CCSER1: variants seen among roughly 807,000 people sequenced by gnomAD.
The protein encoded by CCSER1 is coiled-coil serine rich protein 1.
A neutral mutation model predicts 82.0 loss-of-function variants in CCSER1; 41 were observed. That is an observed-to-expected ratio of 0.50 (90% CI 0.39 to 0.65). The LOEUF (loss-of-function observed/expected upper bound fraction) is 0.65. CCSER1 is among the 30% of genes least tolerant of loss of function. CCSER1 has a pLI of 0.00. For synonymous variants in CCSER1, 414 were observed against 383.9 expected (o/e 1.08, Z -0.92); for missense variants, 1,119 against 1,064.2 (o/e 1.05, Z -0.72).
chr4:91,020,331 G>A (rs550420046), intron 9 of CCSER1, among the ~76,000 whole-genome samples: 7 of 152,056 alleles, frequency 4.6e-5, no homozygotes, highest in South Asian at 4.2e-4. Flanking sequence ...TCTAATTATC[G>A]ACATGTGACT....
rs78631697 is a variant in CCSER1, at chr4:91,278,219, T to C, written c.2217+192225T>C. On this transcript the variant is annotated intron_variant, in intron 10 of 10. Transcript: ENST00000509176. ...GGTCTAAAATGCAGTTTAAATCCAA[T>C]GTTTCTTTGTTGATTTTCTGTGTAG... Among the ~76,000 whole-genome samples the C allele has an allele frequency of 1.7e-3, 264 of 152,222 alleles. 1 individual carries two copies. Among genetic ancestry groups the C allele is most frequent in the African/African-American group, 6.2e-3 (258 of 41,560 alleles).
intron 5 of CCSER1, among the ~76,000 whole-genome samples, chr4:90,597,563 T>A (rs918134698): frequency 6.6e-6 from 1 of 152,062 alleles, no homozygotes; most frequent in Non-Finnish European, 1.5e-5. Context: ...CTGTGTATAT[T>A]TGAGGTTTAC....
intron 7 of CCSER1, chr4:90,780,575 A>C: frequency 6.6e-7 from 1 of 1,519,826 alleles, no homozygotes; most frequent in Non-Finnish European, 8.8e-7. Context: ...CTTTCCATCC[A>C]GTTCTCTAGT....
At chr4:91,472,685 T>G (rs1351853092) in intron 10 of CCSER1, among the ~76,000 whole-genome samples, 2 of 152,220 alleles carry the variant, frequency 1.3e-5, no homozygotes, top group Non-Finnish European at 2.9e-5. Flanking sequence ...TCTCTTCGAC[T>G]GGCTCTTTTG....
chr4:91,168,831 G>A (rs1037501577), intron 10 of CCSER1, among the ~76,000 whole-genome samples: 1 of 152,154 alleles, frequency 6.6e-6, no homozygotes, highest in Non-Finnish European at 1.5e-5. Flanking sequence ...GTAGACATAG[G>A]AGACTCCATT....
At chr4:90,624,402 GA>G (rs33968911) in intron 5 of CCSER1, among the ~76,000 whole-genome samples, 2 of 151,666 alleles carry the variant, frequency 1.3e-5, no homozygotes, top group South Asian at 2.1e-4. Flanking sequence ...AGCTAAGTGA[GA>G]AAAAAAATCA....
At chr4:90,583,176 T>C (rs2148648479) in intron 5 of CCSER1, among the ~76,000 whole-genome samples, 1 of 152,352 alleles carries the variant, frequency 6.6e-6, no homozygotes, top group Non-Finnish European at 1.5e-5. Flanking sequence ...GATATGTTTT[T>C]TGTTTTTTAA....
chr4:91,186,349 C>G (rs954227056), intron 10 of CCSER1, among the ~76,000 whole-genome samples: 1 of 152,042 alleles, frequency 6.6e-6, no homozygotes, highest in Admixed American at 6.5e-5. Context: ...TGGACCAGAC[C>G]CCACACTTGT....
At chr4:91,048,120 T>C (rs1742673993) in intron 9 of CCSER1, among the ~76,000 whole-genome samples, 1 of 152,034 alleles carries the variant, frequency 6.6e-6, no homozygotes, top group African/African-American at 2.4e-5. Context: ...TGTGTAGCTA[T>C]TTAAGAGGTT....
At chr4:91,029,732 T>C (rs918313214) in intron 9 of CCSER1, among the ~76,000 whole-genome samples, 1 of 152,092 alleles carries the variant, frequency 6.6e-6, no homozygotes, top group Admixed American at 6.6e-5. Flanking sequence ...TTCTGTAAAG[T>C]AAAAATAATA....
intron 10 of CCSER1, among the ~76,000 whole-genome samples, chr4:91,131,418 T>C (rs1246003905): frequency 6.6e-6 from 1 of 151,738 alleles, no homozygotes; most frequent in Non-Finnish European, 1.5e-5. Context: ...CCTGGTTGTA[T>C]CTGATAGTTT....
intron 9 of CCSER1, among the ~76,000 whole-genome samples, chr4:91,011,419 C>T (rs926135035): frequency 7.5e-6 from 1 of 134,154 alleles, no homozygotes; most frequent in Non-Finnish European, 1.7e-5. Context: ...TTCCAGAATG[C>T]AGGTGCTCAG....
intron 4 of CCSER1, among the ~76,000 whole-genome samples, chr4:90,439,504 T>A (rs1759547087): frequency 6.6e-6 from 1 of 152,228 alleles, no homozygotes; most frequent in African/African-American, 2.4e-5. Context: ...TACCCTAATC[T>A]TTGTTGATTG....
At chr4:91,594,079 A>C (rs1764403331) in intron 10 of CCSER1, among the ~76,000 whole-genome samples, 3 of 152,040 alleles carry the variant, frequency 2.0e-5, no homozygotes. Context: ...AGCTAGCTGC[A>C]TGACAACTAA....
chr4:90,633,257 A>G (rs1724776676), intron 6 of CCSER1, among the ~76,000 whole-genome samples: 1 of 152,118 alleles, frequency 6.6e-6, no homozygotes. Flanking sequence ...AACAAATGAT[A>G]AACTTGAGTG....
chr4:90,603,946 C>G (rs1041204800), intron 5 of CCSER1, among the ~76,000 whole-genome samples: 6 of 152,010 alleles, frequency 3.9e-5, no homozygotes, highest in Admixed American at 6.5e-5. Context: ...CCCCACGATA[C>G]CTTATTATAA....
At chr4:91,067,018 A>T (rs2148755036) in intron 9 of CCSER1, among the ~76,000 whole-genome samples, 1 of 152,248 alleles carries the variant, frequency 6.6e-6, no homozygotes, top group South Asian at 2.1e-4. Context: ...ACAAAAAATT[A>T]GCCGGGCATG....
At chr4:90,188,124 T>A (rs527376360) in intron 1 of CCSER1, among the ~76,000 whole-genome samples, 1 of 152,042 alleles carries the variant, frequency 6.6e-6, no homozygotes, top group South Asian at 2.1e-4. Flanking sequence ...ATTCTGTTAC[T>A]TATTCTTCCC....
chr4:90,226,520 T>G (rs1224212725), intron 1 of CCSER1, among the ~76,000 whole-genome samples: 2 of 152,196 alleles, frequency 1.3e-5, no homozygotes, highest in African/African-American at 4.8e-5. Context: ...ATAAGAAAAT[T>G]CATATCAACT....
Sources: allele counts gnomAD v4.1 joint callset (sites outside exome capture counted in the v4.1 genomes callset), GRCh38; gene constraint gnomAD v4.1.1; transcripts MANE v1.5; gene names NCBI Gene and HGNC (gene_info 2026-07-23, HGNC 2026-07-21).